RRBP1: variants seen among roughly 807,000 people sequenced by gnomAD.
RRBP1 encodes the protein ribosome binding protein 1.
RRBP1 carries 94 observed loss-of-function variants against 165.2 expected under a neutral mutation model. The ratio of observed to expected loss-of-function variants is 0.57; its 90% CI spans 0.48 to 0.68. RRBP1 has a LOEUF of 0.68. Ranked by LOEUF, RRBP1 falls within the 30% of genes least tolerant of loss-of-function variation. RRBP1 has a pLI of 0.00. For synonymous variants in RRBP1, 680 were observed against 714.5 expected, an observed-to-expected ratio of 0.95 and a Z score of 0.77; for missense variants, 1,676 against 1,763.0, an observed-to-expected ratio of 0.95 and a Z score of 0.88.
In RRBP1 at chr20:17,660,501, T is replaced by C. The variant is rs374691235; in HGVS notation, c.7A>G (p.Ile3Val). 9.3e-6 allele frequency: 15 copies of C among 1,612,186 alleles called. No homozygotes were observed. Among genetic ancestry groups the C allele is most frequent in the African/African-American group, 2.7e-5 (2 of 74,764 alleles). ...ACCCCCAAGGTTTGAGTGTCGTAAATATCCATCCTGGCTTGCTTTCCTTTC... is the reference window on the plus strand; with the variant it reads ...ACCCCCAAGGTTTGAGTGTCGTAAACATCCATCCTGGCTTGCTTTCCTTTC... MD[I>V]YDTQTLGVVV... The change falls in exon 3 of 25, where the codon ATT (isoleucine) becomes GTT (valine). Residue 3 changes from isoleucine to valine, a missense_variant. By Grantham distance (29) the Ile-to-Val change is conservative. Around this residue, in one of 5 missense-constraint regions of RRBP1, gnomAD observed 392 missense variants for 382.5 expected, o/e 1.02. Coordinates refer to ENST00000377813, the MANE Select transcript of RRBP1 (RefSeq NM_001365613.2).
rs972018404 is a variant in RRBP1 at position 17,641,608 on chromosome 20, C to G, written c.2184+189G>C. ...CACGCCGTAGAGCCACGAGCACTGC[C>G]AAGGGTGAGCTGCCGGCCCTTGGCT... On this transcript the variant is annotated intron_variant, in intron 5 of 24. Transcript: ENST00000377813. 4.4e-5 allele frequency: 30 copies of G among 685,806 alleles called. No homozygotes were observed. In the East Asian group the frequency reaches 6.8e-4, roughly 16 times the overall value. 42.5% of individuals were successfully genotyped at this position (685,806 alleles called of 1,614,324 possible). A position where few individuals can be genotyped will look rare whatever the true frequency, so the allele number is the denominator to read the frequency against.
chr20:17,662,064 C>T (rs1329350221), intron 2 of RRBP1, among the ~76,000 whole-genome samples: 1 of 152,100 alleles, frequency 6.6e-6, no homozygotes, highest in East Asian at 1.9e-4. Flanking sequence ...AGATCGAGAC[C>T]ATCCTGGCTA....
chr20:17,666,127 C>T (rs2036862700), intron 2 of RRBP1, among the ~76,000 whole-genome samples: 1 of 152,330 alleles, frequency 6.6e-6, no homozygotes, highest in South Asian at 2.1e-4. Context: ...TGAGTTTATA[C>T]ATGAACGTAG....
intron 2 of RRBP1, among the ~76,000 whole-genome samples, chr20:17,677,586 T>C (rs941343114): frequency 1.3e-5 from 2 of 152,170 alleles, no homozygotes; most frequent in African/African-American, 4.8e-5. Context: ...ATGCCTATAA[T>C]CCTAGCACTT....
At chr20:17,673,011 G>A (rs1186967012) in intron 2 of RRBP1, among the ~76,000 whole-genome samples, 1 of 152,216 alleles carries the variant, frequency 6.6e-6, no homozygotes, top group Non-Finnish European at 1.5e-5. Flanking sequence ...GAAGGAGGTT[G>A]GGGAGGTCAG....
At chr20:17,664,240 C>T (rs954995377) in intron 2 of RRBP1, among the ~76,000 whole-genome samples, 6 of 152,200 alleles carry the variant, frequency 3.9e-5, no homozygotes, top group Non-Finnish European at 7.3e-5. Flanking sequence ...CACCAAGTGA[C>T]GCACAGGCAG....
chr20:17,678,003 T>G (rs1162607964), intron 2 of RRBP1, among the ~76,000 whole-genome samples: 1 of 152,208 alleles, frequency 6.6e-6, no homozygotes, highest in African/African-American at 2.4e-5. Context: ...ATTCTAGTCT[T>G]GCCAAAAAAA....
intron 3 of RRBP1, among the ~76,000 whole-genome samples, chr20:17,652,519 A>G (rs1384395180): frequency 6.6e-6 from 1 of 151,820 alleles, no homozygotes; most frequent in Non-Finnish European, 1.5e-5. Context: ...CACCTCCCAG[A>G]TCCCCGCAGC....
intron 3 of RRBP1, among the ~76,000 whole-genome samples, chr20:17,654,135 C>T (rs2036606694): frequency 6.6e-6 from 1 of 152,208 alleles, no homozygotes; most frequent in African/African-American, 2.4e-5. Flanking sequence ...TGTGGGCCGT[C>T]CACGTAACAT....
intron 5 of RRBP1, among the ~76,000 whole-genome samples, chr20:17,638,862 G>C (rs1356092686): frequency 6.6e-6 from 1 of 152,040 alleles, no homozygotes; most frequent in Non-Finnish European, 1.5e-5. Context: ...GAGGACTGTA[G>C]AGAGCCCTCC....
At chr20:17,656,015 A>T (rs2036639123) in intron 3 of RRBP1, among the ~76,000 whole-genome samples, 1 of 152,182 alleles carries the variant, frequency 6.6e-6, no homozygotes, top group Non-Finnish European at 1.5e-5. Context: ...CTGCATAACA[A>T]AGTTTAAGAA....
Position 17,659,146 on chromosome 20 carries a change from C to T in RRBP1, c.1362G>A (p.Gly454=), listed in dbSNP as rs13036712. 1 of 1,548,570 alleles carries T rather than the reference C, an allele frequency of 6.5e-7. No individual in the cohort carries two copies. The highest frequency in any genetic ancestry group is 8.7e-7 in the Non-Finnish European group (1 of 1,146,318). The change falls in exon 3 of 25, where the codon GGG becomes GGA. Residue 454 remains glycine (G), a synonymous_variant. Coordinates refer to ENST00000377813, the MANE Select transcript of RRBP1 (RefSeq NM_001365613.2). ...CGGCCTTCTTGCCCTGGTTCTGGGC[C>T]CCCTCGGCCTTCTTGCCCTGGTTCT... ...GAQNQGKKAE[G]AQNQGKKAEG... is the part of the protein sequence containing the mutation.
intron 2 of RRBP1, among the ~76,000 whole-genome samples, chr20:17,676,369 T>C (rs1484148750): frequency 6.6e-6 from 1 of 152,152 alleles, no homozygotes; most frequent in Non-Finnish European, 1.5e-5. Context: ...CCGAGGTTTG[T>C]GGCCTGAAAG....
chr20:17,621,297 G>A (rs1043647515), intron 16 of RRBP1, among the ~76,000 whole-genome samples, 161 bp downstream of exon 16: 16 of 152,184 alleles, frequency 1.1e-4, no homozygotes. Flanking sequence ...CGACCTCAGA[G>A]GGTGCCATCC....
intron 3 of RRBP1, among the ~76,000 whole-genome samples, chr20:17,655,621 C>G (rs1376155155): frequency 6.6e-6 from 1 of 152,166 alleles, no homozygotes; most frequent in African/African-American, 2.4e-5. Flanking sequence ...GAGGGACACC[C>G]CAGCCACTCA....
chr20:17,640,026 A>C (rs2036322270), intron 5 of RRBP1, among the ~76,000 whole-genome samples: 1 of 152,206 alleles, frequency 6.6e-6, no homozygotes, highest in Admixed American at 6.5e-5. Flanking sequence ...TTACAAGAAG[A>C]CAATGTAAAA....
intron 17 of RRBP1, 47 bp from the exon 18 acceptor site, chr20:17,620,417 G>A (rs753676712): frequency 6.5e-6 from 10 of 1,535,614 alleles, no homozygotes; most frequent in Non-Finnish European, 9.0e-6. Flanking sequence ...ACCTGGGGGT[G>A]TCTCCTTCCG....
chr20:17,621,665 A>G, intron 15 of RRBP1, 25 bp downstream of exon 15: 1 of 1,610,206 alleles, frequency 6.2e-7, no homozygotes, highest in Non-Finnish European at 8.5e-7. Flanking sequence ...CCAACAGAGG[A>G]GCCTTGCCAG....
intron 3 of RRBP1, among the ~76,000 whole-genome samples, chr20:17,656,741 G>A (rs1023701673): frequency 7.9e-5 from 12 of 152,136 alleles, no homozygotes; most frequent in African/African-American, 2.9e-4. Context: ...GGAATAATCC[G>A]TCAAGTTAGG....
Sources: allele counts gnomAD v4.1 joint callset (sites outside exome capture counted in the v4.1 genomes callset), GRCh38; gene constraint gnomAD v4.1.1; regional missense constraint gnomAD v4.1.1; transcripts MANE v1.5; gene names NCBI Gene and HGNC (gene_info 2026-07-23, HGNC 2026-07-21).